NCOR1: variants seen among roughly 807,000 people sequenced by gnomAD.
NCOR1 encodes protein phosphatase 1, regulatory subunit 109.
In NCOR1, 63 loss-of-function variants were observed where a neutral mutation model predicts 288.1. The observed-to-expected ratio is 0.22, with a 90% CI of 0.18 to 0.27. NCOR1 has a LOEUF of 0.27. Among genes scored for constraint, NCOR1 ranks in the 10% least tolerant of loss-of-function variants. The pLI is 1.00. For missense variants in NCOR1, 2,397 were observed against 3,019.2 expected (o/e 0.79, Z 4.83); for synonymous variants, 1,007 against 1,065.9 (o/e 0.94, Z 1.08).
chr17:16,180,901 G>A (rs189131445), intron 3 of NCOR1, among the ~76,000 whole-genome samples: 1 of 151,504 alleles, frequency 6.6e-6, no homozygotes, highest in African/African-American at 2.4e-5. Context: ...GCTCACTCCT[G>A]TAATCCCAGC....
At chr17:16,192,330 A>G (rs982133271) in intron 2 of NCOR1, among the ~76,000 whole-genome samples, 2 of 152,138 alleles carry the variant, frequency 1.3e-5, no homozygotes, top group Non-Finnish European at 2.9e-5. Context: ...CCTGGCCAAC[A>G]TAGCGAAAAC....
At chr17:16,060,990 T>C (rs569023785) in intron 37 of NCOR1, among the ~76,000 whole-genome samples, 7 of 152,328 alleles carry the variant, frequency 4.6e-5, no homozygotes, top group Admixed American at 3.9e-4. Flanking sequence ...AGTCTCACTT[T>C]TAAAAACCTG....
intron 18 of NCOR1, 33 bp downstream of exon 18, chr17:16,117,855 G>A (rs777843965): frequency 1.9e-6 from 3 of 1,597,756 alleles, no homozygotes; most frequent in Non-Finnish European, 2.6e-6. Flanking sequence ...GTAAAAAACA[G>A]TAAGTAAAGA....
chr17:16,129,193 T>G (rs1257918917), intron 14 of NCOR1, among the ~76,000 whole-genome samples: 1 of 152,132 alleles, frequency 6.6e-6, no homozygotes, highest in Admixed American at 6.5e-5. Context: ...ACATGCAAAA[T>G]CACAATTGCC....
chr17:16,046,648 G>T (rs1395903103), intron 42 of NCOR1, among the ~76,000 whole-genome samples: 2 of 152,152 alleles, frequency 1.3e-5, no homozygotes, highest in African/African-American at 4.8e-5. Flanking sequence ...GAAGACTGAT[G>T]GGTAGGGGAG....
At chr17:16,091,238 G>A (rs2065127177) in intron 22 of NCOR1, among the ~76,000 whole-genome samples, 4 of 152,142 alleles carry the variant, frequency 2.6e-5, no homozygotes, top group East Asian at 1.9e-4. Context: ...ATGTAATAAC[G>A]TGCTACATTA....
At chr17:16,185,008 C>CAAAAAAAAAAAAAAAAAAAAAAAAAA (rs34725978) in intron 3 of NCOR1, among the ~76,000 whole-genome samples, 2 of 97,352 alleles carry the variant, frequency 2.1e-5, no homozygotes, top group South Asian at 3.7e-4. Flanking sequence ...GAATCTTAAA[C>CAAAAAAAAAAAAAAAAAAAAAAAAAA]AAAAAAAAAA....
At chr17:16,145,533 C>T (rs1466278008) in intron 10 of NCOR1, among the ~76,000 whole-genome samples, 1 of 143,200 alleles carries the variant, frequency 7.0e-6, no homozygotes, top group African/African-American at 2.5e-5. Context: ...AACTGAGGAG[C>T]GTCTCTGCCC....
At chr17:16,073,611 G>A (rs2152751440) in intron 27 of NCOR1, 42 bp from the exon 28 acceptor site, 3 of 1,511,878 alleles carry the variant, frequency 2.0e-6, no homozygotes, top group Non-Finnish European at 1.8e-6. Context: ...CGGAGCACAT[G>A]GTATACAATG....
chr17:16,207,601 C>T (rs1391751115), intron 1 of NCOR1, among the ~76,000 whole-genome samples: 3 of 151,780 alleles, frequency 2.0e-5, no homozygotes, highest in Admixed American at 6.6e-5. Context: ...ATTAGCCAGG[C>T]GTGGTGGCAG....
At chr17:16,126,344 AAACC>A (rs2074040151) in intron 14 of NCOR1, 138 bp from the exon 15 acceptor site, 1 of 867,194 alleles carries the variant, frequency 1.2e-6, no homozygotes, top group Non-Finnish European at 1.7e-6. Flanking sequence ...CGTGTGTTAA[AAACC>A]AGTCTAGAGG....
At chr17:16,059,857 G>C (rs1381422971) in intron 37 of NCOR1, among the ~76,000 whole-genome samples, 1 of 152,140 alleles carries the variant, frequency 6.6e-6, no homozygotes, top group African/African-American at 2.4e-5. Flanking sequence ...AGCTACCTGG[G>C]TTCTAGTACA....
chr17:16,071,430 T>C lies in NCOR1; in HGVS notation c.4131A>G (p.Ile1377Met), dbSNP rs759922238. The C allele has an allele frequency of 6.2e-7, 1 of 1,613,016 alleles. No individual in the cohort carries two copies. Among genetic ancestry groups the C allele is most frequent in the South Asian group, 1.1e-5 (1 of 90,808 alleles). ...TPEVVQSTRPIIEGSISQGTP... is the reference protein window; with the variant it reads ...TPEVVQSTRPMIEGSISQGTP... ...TTACCTGGGAAATGGAACCCTCAAT[T>C]ATCGGCCGTGTGCTCTGGACCACTT... The change falls in exon 30 of 46, where the codon ATA becomes ATG. Residue 1377 changes from isoleucine to methionine, a missense_variant. Ile to Met is a conservative substitution (Grantham distance 10, BLOSUM62 1). Transcript: ENST00000268712.
chr17:16,131,265 ATCC>A (rs1345252898), intron 14 of NCOR1, among the ~76,000 whole-genome samples: 1 of 152,010 alleles, frequency 6.6e-6, no homozygotes, highest in Non-Finnish European at 1.5e-5. Flanking sequence ...GGCTCAAGCA[ATCC>A]TCCTCCCTCA....
Position 16,058,663 on chromosome 17 carries a change from T to G in NCOR1, c.5882-64A>C, listed in dbSNP as rs147083284. On this transcript the variant is annotated intron_variant, in intron 37 of 45. Transcript: ENST00000268712. ...GGAAAAGTTTCTGAAGTCTAAGTTC[T>G]TCACACCTGTAGCATTTTTTCAATT... 4 of 1,475,342 alleles carry G rather than the reference T, an allele frequency of 2.7e-6. No individual in the cohort carries two copies. The East Asian group carries it at 9.1e-5, about 34-fold the overall frequency. The allele number at this position is 1,475,342 out of a possible 1,614,324, so 91.4% of individuals were successfully genotyped here. A position where few individuals can be genotyped will look rare whatever the true frequency, so the allele number is the denominator to read the frequency against.
intron 36 of NCOR1, 105 bp downstream of exon 36, chr17:16,062,000 T>C (rs1250197935): frequency 3.8e-6 from 6 of 1,570,664 alleles, no homozygotes; most frequent in African/African-American, 2.8e-5. Flanking sequence ...AAAGCCTTCA[T>C]GGCATGGGCA....
intron 45 of NCOR1, among the ~76,000 whole-genome samples, chr17:16,034,295 A>G (rs1973493150): frequency 1.3e-5 from 2 of 152,150 alleles, no homozygotes; most frequent in African/African-American, 4.8e-5. Flanking sequence ...TTATATGTGC[A>G]TTCAGTTTCT....
chr17:16,083,758 T>C (rs1008437063), intron 23 of NCOR1, among the ~76,000 whole-genome samples: 1 of 152,186 alleles, frequency 6.6e-6, no homozygotes, highest in South Asian at 2.1e-4. Flanking sequence ...TGCACCCACC[T>C]CTTCCCCACA....
In NCOR1 at chr17:16,212,648, A is replaced by G. The variant is rs549011667; in HGVS notation, c.-71+2714T>C. 2.5e-3 allele frequency among the ~76,000 whole-genome samples: 385 copies of G among 152,312 alleles called. 1 individual carries two copies. The highest frequency in any genetic ancestry group is 6.8e-3 in the Middle Eastern group (2 of 292). ...AATTAAAACCAAATAACCAAAACAT[A>G]TTTTTTAAAAAACAAACAGCCTGAC... On this transcript the variant is annotated intron_variant, in intron 1 of 45. Transcript: ENST00000268712.
Sources: allele counts gnomAD v4.1 joint callset (sites outside exome capture counted in the v4.1 genomes callset), GRCh38; gene constraint gnomAD v4.1.1; transcripts MANE v1.5; gene names NCBI Gene and HGNC (gene_info 2026-07-23, HGNC 2026-07-21).